KLB: variants seen among roughly 807,000 people sequenced by gnomAD.
KLB encodes klotho beta, also known as beta-klotho.
Under a neutral mutation model 88.4 loss-of-function variants are expected in KLB, and 44 were observed. The observed-to-expected ratio is 0.50, with a 90% CI of 0.39 to 0.64. The LOEUF (loss-of-function observed/expected upper bound fraction) is 0.64. KLB is among the 30% of genes least tolerant of loss of function. The pLI, the probability that KLB is intolerant of heterozygous loss-of-function variation, is 0.00. For synonymous variants in KLB, 548 were observed against 513.4 expected (o/e 1.07, Z -0.91); for missense variants, 1,137 against 1,304.8 (o/e 0.87, Z 1.98).
intron 1 of KLB, among the ~76,000 whole-genome samples, chr4:39,414,726 A>G (rs1471106782): frequency 6.6e-6 from 1 of 151,344 alleles, no homozygotes; most frequent in Non-Finnish European, 1.5e-5. Context: ...AAAATTAGCC[A>G]GGCGCGATGG....
chr4:39,411,002 T>A (rs2109817752), intron 1 of KLB, among the ~76,000 whole-genome samples: 1 of 152,268 alleles, frequency 6.6e-6, no homozygotes, highest in African/African-American at 2.4e-5. Context: ...CAGGTAAAAA[T>A]TTTCCATAAT....
chr4:39,415,224 T>A (rs1446605603), intron 1 of KLB, among the ~76,000 whole-genome samples: 1 of 152,174 alleles, frequency 6.6e-6, no homozygotes. Flanking sequence ...AAGTTTGGTT[T>A]TTTATGTGTC....
chr4:39,441,154 C>T (rs1743588963), intron 3 of KLB, among the ~76,000 whole-genome samples: 1 of 152,186 alleles, frequency 6.6e-6, no homozygotes, highest in South Asian at 2.1e-4. Context: ...CTGCACCCAG[C>T]TCCCTGTGGA....
chr4:39,445,493 ACTTTT>A (rs1267813702), intron 3 of KLB, among the ~76,000 whole-genome samples: 4 of 138,364 alleles, frequency 2.9e-5, no homozygotes, highest in African/African-American at 5.1e-5. Context: ...TATCACTTGA[ACTTTT>A]CTTTTCTTTT....
rs183584392 is a variant in KLB, at chr4:39,438,100, C to T, written c.1605+105C>T. 1.5e-4 allele frequency: 149 copies of T among 1,026,026 alleles called. 1 individual carries two copies. The highest frequency in any genetic ancestry group is 5.1e-5 in the Admixed American group (2 of 39,286). 63.6% of individuals were successfully genotyped at this position (1,026,026 alleles called of 1,614,324 possible). On this transcript the variant is annotated intron_variant, in intron 3 of 4. Coordinates refer to ENST00000257408, the MANE Select transcript of KLB (RefSeq NM_175737.4). ...ATAGCTGTCAGACAATATCAAATACCACAATTGTATGGAGGTTATGAAGGA... is the reference window on the plus strand; with the variant it reads ...ATAGCTGTCAGACAATATCAAATACTACAATTGTATGGAGGTTATGAAGGA...
Position 39,447,356 on chromosome 4 carries a change from G to A in KLB, c.2630G>A (p.Arg877Gln), listed in dbSNP as rs377267562. Residue 877 changes from arginine (R) to glutamine (Q), a missense_variant, in exon 4 of 5, where the codon CGG (arginine) becomes CAG (glutamine). Arg to Gln is a conservative substitution (Grantham distance 43). This residue lies in a region of KLB where 426 missense variants were observed against 404.6 expected (regional missense o/e 1.05). Coordinates refer to ENST00000257408, the MANE Select transcript of KLB (RefSeq NM_175737.4). Reference protein sequence around the residue: ...WGVRKLLRWVRRNYGDMDIYI... With the variant: ...WGVRKLLRWVQRNYGDMDIYI... ...GTGCGCAAGCTGCTGCGGTGGGTCC[G>A]GAGGAACTACGGCGACATGGACATT... 2 of 1,614,032 alleles carry A rather than the reference G, an allele frequency of 1.2e-6. No individual in the cohort carries two copies. The highest frequency in any genetic ancestry group is 1.7e-6 in the Non-Finnish European group (2 of 1,180,036).
At chr4:39,417,664 A>G (rs1448253620) in intron 1 of KLB, among the ~76,000 whole-genome samples, 1 of 152,246 alleles carries the variant, frequency 6.6e-6, no homozygotes, top group East Asian at 1.9e-4. Context: ...AAGGACTGAG[A>G]CAATTATTAC....
rs1486855553 is a variant in KLB, at chr4:39,450,071, A to C, written c.*1385A>C. 1 of 152,216 alleles carries C rather than the reference A, an allele frequency of 6.6e-6. No homozygotes were observed. Among genetic ancestry groups the C allele is most frequent in the African/African-American group, 2.4e-5 (1 of 41,472 alleles). 9.4% of individuals were successfully genotyped at this position (152,216 alleles called of 1,614,324 possible). A position where few individuals can be genotyped will look rare whatever the true frequency, so the allele number is the denominator to read the frequency against. ...AGTAAAGCAACAATTCAGAATACTG[A>C]ATGAGTTTAAATTGTTTTATATAGC... On this transcript the variant is annotated 3_prime_UTR_variant, in exon 5 of 5. Transcript: ENST00000257408.
At chr4:39,418,543 A>G (rs1743011735) in intron 1 of KLB, among the ~76,000 whole-genome samples, 1 of 151,786 alleles carries the variant, frequency 6.6e-6, no homozygotes, top group Admixed American at 6.6e-5. Flanking sequence ...CGGCCATATC[A>G]TCTAGAGTTA....
At chr4:39,410,641 C>T (rs1982738) in intron 1 of KLB, among the ~76,000 whole-genome samples, 35,881 of 152,044 alleles carry the variant, frequency 0.24, 4,509 homozygotes, top group East Asian at 0.37. Flanking sequence ...TGATATTTTA[C>T]GTTGCAATGA....
chr4:39,411,563 A>G (rs1381048438), intron 1 of KLB, among the ~76,000 whole-genome samples: 2 of 150,088 alleles, frequency 1.3e-5, no homozygotes, highest in Non-Finnish European at 3.0e-5. Context: ...TCTGTCACCC[A>G]GGCTGGCGTG....
intron 1 of KLB, among the ~76,000 whole-genome samples, chr4:39,427,468 G>A (rs1238526018): frequency 7.6e-6 from 1 of 130,944 alleles, no homozygotes; most frequent in African/African-American, 2.8e-5. Context: ...GGGTGACAGA[G>A]GGAGACTCTG....
chr4:39,434,866 G>A (rs1743437983), intron 2 of KLB, 146 bp downstream of exon 2: 1 of 664,456 alleles, frequency 1.5e-6, no homozygotes, highest in Non-Finnish European at 2.5e-6. Flanking sequence ...AAGTGCAGTG[G>A]CACCATCTTG....
intron 1 of KLB, among the ~76,000 whole-genome samples, chr4:39,420,248 A>G (rs1743051868): frequency 6.6e-6 from 1 of 152,156 alleles, no homozygotes; most frequent in Non-Finnish European, 1.5e-5. Context: ...CAGAGATTAC[A>G]TGACCAAAGT....
At chr4:39,408,995 A>G (rs1404438220) in intron 1 of KLB, among the ~76,000 whole-genome samples, 1 of 140,646 alleles carries the variant, frequency 7.1e-6, no homozygotes, top group African/African-American at 2.5e-5. Flanking sequence ...AAATTTGTAC[A>G]TACAAAAATA....
intron 1 of KLB, among the ~76,000 whole-genome samples, chr4:39,426,289 C>T: frequency 6.7e-6 from 1 of 149,822 alleles, no homozygotes. Context: ...GTGGTGCATG[C>T]TTATAGTCCC....
At position 39,407,087 on chromosome 4, in the gene KLB, G is replaced by T; in HGVS notation, c.138G>T (p.Leu46=). ...QRSVILSALI[L]LRAVTGFSGD... Reference sequence around the variant, plus strand: ...CTGTCATCCTGTCAGCACTTATTCTGCTACGAGCTGTTACTGGATTCTCTG... The same window carrying T: ...CTGTCATCCTGTCAGCACTTATTCTTCTACGAGCTGTTACTGGATTCTCTG... Residue 46 remains leucine (L), a synonymous_variant, in exon 1 of 5, where the codon CTG becomes CTT. Coordinates refer to ENST00000257408, the MANE Select transcript of KLB (RefSeq NM_175737.4). The T allele has an allele frequency of 6.2e-7, 1 of 1,614,042 alleles. No individual in the cohort carries two copies. The highest frequency in any genetic ancestry group is 8.5e-7 in the Non-Finnish European group (1 of 1,179,944).
At position 39,407,134 on chromosome 4, in the gene KLB, C is replaced by G. The variant is rs553792166; in HGVS notation, c.185C>G (p.Ser62Cys). 1 of 1,614,132 alleles carries G rather than the reference C, an allele frequency of 6.2e-7. No homozygotes were observed. The highest frequency in any genetic ancestry group is 1.3e-5 in the African/African-American group (1 of 75,030). ...TCTGGAGATGGAAGAGCTATATGGT[C>G]TAAAAATCCTAATTTTACTCCGGTA... Reference protein sequence around the residue: ...GFSGDGRAIWSKNPNFTPVNE... With the variant: ...GFSGDGRAIWCKNPNFTPVNE... The change falls in exon 1 of 5, where the codon TCT becomes TGT. Residue 62 changes from serine to cysteine, a missense_variant. Coordinates refer to ENST00000257408, the MANE Select transcript of KLB (RefSeq NM_175737.4).
In KLB at chr4:39,407,240, A is replaced by C; in HGVS notation, c.291A>C (p.Glu97Asp). 1 of 1,614,176 alleles carries C rather than the reference A, an allele frequency of 6.2e-7. No individual in the cohort carries two copies. The highest frequency in any genetic ancestry group is 8.5e-7 in the Non-Finnish European group (1 of 1,180,028). ...WGIGTGALQV[E>D]GSWKKDGKGP... ...TTGGGACTGGAGCATTGCAAGTGGA[A>C]GGGAGTTGGAAGAAGGATGGAAAAG... Residue 97 changes from glutamate (E) to aspartate (D), a missense_variant, in exon 1 of 5, where the codon GAA becomes GAC. Transcript: ENST00000257408.
Sources: gnomAD v4.1 joint callset for allele counts (sites outside exome capture counted in the v4.1 genomes callset) on GRCh38, gnomAD v4.1.1 for gene constraint, gnomAD v4.1.1 regional missense constraint, MANE v1.5 for transcripts, NCBI Gene and HGNC (gene_info 2026-07-23, HGNC 2026-07-21) for gene names.